ERBB4: variants seen among roughly 807,000 people sequenced by gnomAD.
The protein encoded by ERBB4 is erb-b2 receptor tyrosine kinase 4.
A neutral mutation model predicts 158.0 loss-of-function variants in ERBB4; 42 were observed. That is an observed-to-expected ratio of 0.27 (90% CI 0.21 to 0.34). The LOEUF (loss-of-function observed/expected upper bound fraction) is 0.34. Among genes scored for constraint, ERBB4 ranks in the 10% least tolerant of loss-of-function variants. The probability of loss-of-function intolerance (pLI) is 1.00; values close to 1 mark genes in which losing one functional copy is unlikely to be tolerated. For synonymous variants in ERBB4, 583 were observed against 558.7 expected (o/e 1.04, Z -0.61); for missense variants, 1,333 against 1,624.1 (o/e 0.82, Z 3.08).
chr2:212,458,960 A>G (rs1688439374), intron 1 of ERBB4, among the ~76,000 whole-genome samples: 1 of 152,206 alleles, frequency 6.6e-6, no homozygotes, highest in African/African-American at 2.4e-5. Context: ...GAATGAATGA[A>G]TGAGTTACAT....
chr2:211,597,887 A>G (rs184490918), intron 19 of ERBB4, among the ~76,000 whole-genome samples: 29 of 152,304 alleles, frequency 1.9e-4, no homozygotes, highest in Admixed American at 1.7e-3. Context: ...CCCCAAAAAG[A>G]AAGATTATAT....
At chr2:212,466,334 A>T (rs1465639685) in intron 1 of ERBB4, among the ~76,000 whole-genome samples, 2 of 152,154 alleles carry the variant, frequency 1.3e-5, no homozygotes, top group Non-Finnish European at 2.9e-5. Context: ...TGAAGGACCA[A>T]CTTTTGTATA....
intron 3 of ERBB4, among the ~76,000 whole-genome samples, chr2:211,926,708 T>G (rs1303994404): frequency 6.6e-6 from 1 of 152,146 alleles, no homozygotes; most frequent in Non-Finnish European, 1.5e-5. Context: ...CTATCTATAC[T>G]TCTCTATTTT....
chr2:211,716,599 C>T (rs1297644556), intron 7 of ERBB4, among the ~76,000 whole-genome samples: 3 of 151,890 alleles, frequency 2.0e-5, no homozygotes, highest in Admixed American at 6.6e-5. Context: ...TGGCGTGAAC[C>T]CGGGAGGCGG....
intron 1 of ERBB4, among the ~76,000 whole-genome samples, chr2:212,435,163 C>CA (rs1481146083): frequency 4.6e-5 from 7 of 151,942 alleles, no homozygotes; most frequent in African/African-American, 9.6e-5. Flanking sequence ...GAGGAAATTA[C>CA]AAAAAAAGAT....
At position 211,704,198 on chromosome 2, in the gene ERBB4, C is replaced by G. The variant is rs150735127; in HGVS notation, c.1199-4G>C. The G allele has an allele frequency of 6.3e-7, 1 of 1,582,252 alleles. No individual in the cohort carries two copies. The highest frequency in any genetic ancestry group is 8.7e-7 in the Non-Finnish European group (1 of 1,151,116). ...CATGACTGTATGTTCAGGAAACCTA[C>G]AAGTGAAGAGTAGAAAAAATAAATC... On this transcript the variant is annotated splice_region_variant and splice_polypyrimidine_tract_variant and intron_variant, in intron 10 of 27. Coordinates refer to ENST00000342788, the MANE Select transcript of ERBB4 (RefSeq NM_005235.3).
intron 25 of ERBB4, among the ~76,000 whole-genome samples, chr2:211,416,162 C>A (rs2063386237): frequency 6.6e-6 from 1 of 152,160 alleles, no homozygotes; most frequent in East Asian, 1.9e-4. Flanking sequence ...GAAGCTTTTA[C>A]ATTAAATTAA....
At chr2:211,545,894 T>C (rs913289492) in intron 20 of ERBB4, among the ~76,000 whole-genome samples, 5 of 152,064 alleles carry the variant, frequency 3.3e-5, no homozygotes, top group African/African-American at 1.2e-4. Flanking sequence ...GTTCACTTTG[T>C]GATTGAGGTG....
chr2:211,496,036 A>T (rs2065460381), intron 20 of ERBB4, among the ~76,000 whole-genome samples: 1 of 152,002 alleles, frequency 6.6e-6, no homozygotes, highest in Admixed American at 6.5e-5. Context: ...GACATAGTTG[A>T]TCATTCTCTC....
At position 211,939,390 on chromosome 2, in the gene ERBB4, A is replaced by ATTT. The variant is rs550998240; in HGVS notation, c.421+8037_421+8039dup. Among the ~76,000 whole-genome samples, 681 of 146,794 alleles carry ATTT rather than the reference A, an allele frequency of 4.6e-3. 7 individuals carry two copies. Among genetic ancestry groups the ATTT allele is most frequent in the African/African-American group, 0.015 (616 of 40,262 alleles). ...CATTACAGGGCTGTGTCTGAAACAG[A>ATTT]TTTTTTTTTTTTTGAAAGGAACTGA... On this transcript the variant is annotated intron_variant, in intron 3 of 27. Transcript: ENST00000342788.
intron 12 of ERBB4, among the ~76,000 whole-genome samples, chr2:211,687,178 G>T (rs564909837): frequency 6.6e-5 from 10 of 151,096 alleles, no homozygotes; most frequent in Admixed American, 2.6e-4. Context: ...GGTGGTGGGC[G>T]CCTGTAGTCC....
Position 211,562,070 on chromosome 2 carries a change from T to G in ERBB4, c.2320A>C (p.Ser774Arg). 6.2e-7 allele frequency: 1 copy of G among 1,613,794 alleles called. No homozygotes were observed. Among genetic ancestry groups the G allele is most frequent in the South Asian group, 1.1e-5 (1 of 91,086 alleles). Residue 774 changes from serine (S) to arginine (R), a missense_variant, in exon 20 of 28, where the codon AGT becomes CGT. Ser to Arg is a moderately radical substitution (Grantham distance 110). Transcript: ENST00000342788. ...EFMDEALIMA[S>R]MDHPHLVRLL... Reference sequence around the variant, plus strand: ...CGGACTAGGTGTGGATGATCCATACTTGCCATGATCAGAGCTTCCTGTAAG... The same window carrying G: ...CGGACTAGGTGTGGATGATCCATACGTGCCATGATCAGAGCTTCCTGTAAG...
intron 5 of ERBB4, among the ~76,000 whole-genome samples, chr2:211,731,470 T>C (rs2074424931): frequency 6.6e-6 from 1 of 152,094 alleles, no homozygotes; most frequent in African/African-American, 2.4e-5. Context: ...AGAGGTGATA[T>C]GGGTTGGATG....
At chr2:211,670,700 T>C (rs893051061) in intron 14 of ERBB4, among the ~76,000 whole-genome samples, 9 of 152,154 alleles carry the variant, frequency 5.9e-5, no homozygotes, top group Non-Finnish European at 8.8e-5. Context: ...TATTTCCTCA[T>C]TGGAAAAATG....
intron 5 of ERBB4, among the ~76,000 whole-genome samples, chr2:211,731,465 T>A (rs1475694570): frequency 6.6e-6 from 1 of 151,912 alleles, no homozygotes; most frequent in Non-Finnish European, 1.5e-5. Context: ...AAAGTAGAGG[T>A]GATATGGGTT....
intron 1 of ERBB4, among the ~76,000 whole-genome samples, chr2:212,248,262 T>C (rs1041265425): frequency 7.2e-5 from 11 of 152,230 alleles, no homozygotes; most frequent in African/African-American, 2.7e-4. Flanking sequence ...TGCCAAATTT[T>C]TGCGTTTACA....
intron 2 of ERBB4, among the ~76,000 whole-genome samples, chr2:212,025,963 T>G (rs906909088): frequency 6.6e-6 from 1 of 151,816 alleles, no homozygotes; most frequent in Admixed American, 6.6e-5. Flanking sequence ...TTCTCTTGTT[T>G]GTCAGAGTGG....
At chr2:212,416,571 A>G (rs1214931645) in intron 1 of ERBB4, among the ~76,000 whole-genome samples, 1 of 152,114 alleles carries the variant, frequency 6.6e-6, no homozygotes, top group Non-Finnish European at 1.5e-5. Flanking sequence ...CACATAATAT[A>G]TTCGTATAAA....
intron 16 of ERBB4, among the ~76,000 whole-genome samples, chr2:211,651,587 AATTCCATGAGCCTTCATATCTG>A (rs1332144038): frequency 6.6e-6 from 1 of 152,134 alleles, no homozygotes; most frequent in African/African-American, 2.4e-5. Context: ...GGCCTGACTT[AATTCCATGAGCCTTCATATCTG>A]GGTCTATTGG....
Sources: allele counts gnomAD v4.1 joint callset (sites outside exome capture counted in the v4.1 genomes callset), GRCh38; gene constraint gnomAD v4.1.1; transcripts MANE v1.5; gene names NCBI Gene and HGNC (gene_info 2026-07-23, HGNC 2026-07-21).